The following CCDC60 variants were observed in gnomAD, a reference collection of about 807,000 sequenced individuals.
CCDC60 encodes coiled-coil domain containing 60, also known as coiled-coil domain-containing protein 60.
A neutral mutation model predicts 63.5 loss-of-function variants in CCDC60; 54 were observed. The observed-to-expected ratio is 0.85, with a 90% confidence interval of 0.68 to 1.07. The LOEUF is 1.07. Among genes scored for constraint, CCDC60 ranks in the 50% least tolerant of loss-of-function variants. CCDC60 has a pLI of 0.00. For synonymous variants in CCDC60, 206 were observed against 238.8 expected, an observed-to-expected ratio of 0.86 and a Z score of 1.27; for missense variants, 651 against 684.3, an observed-to-expected ratio of 0.95 and a Z score of 0.54.
rs1566072792 is a variant in CCDC60, at chr12:119,540,919, C to T, written c.*204C>T. 2 of 508,618 alleles carry T rather than the reference C, an allele frequency of 3.9e-6. No homozygotes were observed. The highest frequency in any genetic ancestry group is 3.3e-5 in the East Asian group (1 of 29,956). The allele number at this position is 508,618 out of a possible 1,614,324, so 31.5% of individuals were successfully genotyped here. A position where few individuals can be genotyped will look rare whatever the true frequency, so the allele number is the denominator to read the frequency against. On this transcript the variant is annotated 3_prime_UTR_variant, in exon 14 of 14. Coordinates refer to ENST00000327554, the MANE Select transcript of CCDC60 (RefSeq NM_178499.5). ...CGGTGGCCCTCCCCTCAATTCCACACCCCAGACCCAACCTACCAGTCTCTG... is the reference window on the plus strand; with the variant it reads ...CGGTGGCCCTCCCCTCAATTCCACATCCCAGACCCAACCTACCAGTCTCTG...
At chr12:119,426,351 A>T (rs1593069837) in intron 1 of CCDC60, among the ~76,000 whole-genome samples, 1 of 83,438 alleles carries the variant, frequency 1.2e-5, no homozygotes, top group African/African-American at 4.9e-5. Context: ...ATTTTTATTT[A>T]TTTTTGTTTT....
chr12:119,335,127 G>C lies in CCDC60; in HGVS notation c.-50G>C, dbSNP rs1330472543. The C allele has an allele frequency of 6.7e-7, 1 of 1,497,502 alleles. No homozygotes were observed. 92.8% of individuals were successfully genotyped at this position (1,497,502 alleles called of 1,614,324 possible). Reference sequence around the variant, plus strand: ...GTAACTACTGAAGTAGAAGATTCTGGAAAAATCCTTGTCTTGGGGGCACAG... The same window carrying C: ...GTAACTACTGAAGTAGAAGATTCTGCAAAAATCCTTGTCTTGGGGGCACAG... On this transcript the variant is annotated 5_prime_UTR_variant, in exon 1 of 14. Coordinates refer to ENST00000327554, the MANE Select transcript of CCDC60 (RefSeq NM_178499.5).
chr12:119,471,838 C>CTCTTTCTCTATTTCTACCTGTT (rs1339275998), intron 2 of CCDC60, among the ~76,000 whole-genome samples, 156 bp from the exon 3 acceptor site: 1 of 151,518 alleles, frequency 6.6e-6, no homozygotes, highest in Non-Finnish European at 1.5e-5. Context: ...CTCTCTCACT[C>CTCTTTCTCTATTTCTACCTGTT]TCTTTCTCTA....
At chr12:119,413,053 C>T (rs765374158) in intron 1 of CCDC60, among the ~76,000 whole-genome samples, 23 of 152,172 alleles carry the variant, frequency 1.5e-4, no homozygotes, top group Admixed American at 3.3e-4. Flanking sequence ...TCCTGAAGCT[C>T]CTCCAGGACT....
At chr12:119,497,518 C>T (rs955286381) in intron 5 of CCDC60, among the ~76,000 whole-genome samples, 3 of 152,098 alleles carry the variant, frequency 2.0e-5, no homozygotes, top group Admixed American at 6.5e-5. Flanking sequence ...TGCTTGAAGT[C>T]GCAATAGATT....
chr12:119,494,024 TTC>T (rs749118787), intron 5 of CCDC60, among the ~76,000 whole-genome samples: 8 of 152,212 alleles, frequency 5.3e-5, no homozygotes, highest in Non-Finnish European at 1.0e-4. Flanking sequence ...TCCCATCAGT[TTC>T]TGTCATGCTT....
At chr12:119,413,448 G>A (rs1218224515) in intron 1 of CCDC60, among the ~76,000 whole-genome samples, 1 of 152,168 alleles carries the variant, frequency 6.6e-6, no homozygotes, top group Admixed American at 6.5e-5. Flanking sequence ...GCATCGCGGG[G>A]GGAACATTTT....
rs774909045 is a variant in CCDC60, at chr12:119,505,103, C to T, written c.683C>T (p.Thr228Ile). 9 of 1,609,578 alleles carry T rather than the reference C, an allele frequency of 5.6e-6. No homozygotes were observed. The highest frequency in any genetic ancestry group is 3.3e-5 in the Admixed American group (2 of 59,810). The change falls in exon 7 of 14, where the codon ACC becomes ATC. Residue 228 changes from threonine (T) to isoleucine (I), a missense_variant. Thr to Ile is a moderately conservative substitution (Grantham distance 89). Coordinates refer to ENST00000327554, the MANE Select transcript of CCDC60 (RefSeq NM_178499.5). ...TTCAAAATTCCCACAATGCGAGTCA[C>T]CAACCGCAAACCAAGCCGGCGAGGC... ...KKFKIPTMRV[T>I]NRKPSRRGST...
At chr12:119,498,945 G>A (rs1951779183) in intron 5 of CCDC60, among the ~76,000 whole-genome samples, 1 of 152,104 alleles carries the variant, frequency 6.6e-6, no homozygotes, top group African/African-American at 2.4e-5. Context: ...TAACTCATTT[G>A]GCAGCAAAAT....
chr12:119,464,562 C>A (rs1391790272), intron 2 of CCDC60, among the ~76,000 whole-genome samples: 1 of 152,090 alleles, frequency 6.6e-6, no homozygotes, highest in Non-Finnish European at 1.5e-5. Flanking sequence ...AGGGAACCCC[C>A]GAAAAACCTT....
chr12:119,507,523 TATAC>T (rs1484172745), intron 7 of CCDC60, among the ~76,000 whole-genome samples: 1 of 134,430 alleles, frequency 7.4e-6, no homozygotes, highest in African/African-American at 2.9e-5. Flanking sequence ...TATACATATA[TATAC>T]ACATATATAT....
chr12:119,515,850 C>A (rs1322094128), intron 7 of CCDC60, among the ~76,000 whole-genome samples: 2 of 152,282 alleles, frequency 1.3e-5, no homozygotes, highest in East Asian at 3.9e-4. Flanking sequence ...CACATGGAAT[C>A]AAATAAAACA....
In CCDC60 at chr12:119,359,847, G is replaced by T. The variant is rs1395191043; in HGVS notation, c.90+24581G>T. On this transcript the variant is annotated intron_variant, in intron 1 of 13. Coordinates refer to ENST00000327554, the MANE Select transcript of CCDC60 (RefSeq NM_178499.5). The stretch of plus-strand genomic sequence containing the variant: ...ACATGTTTCAGAGAGCACAGGGTTG[G>T]GGGTAAGGTCACAGATCAACAGGAT... 4.6e-5 allele frequency among the ~76,000 whole-genome samples: 7 copies of T among 151,900 alleles called. No individual in the cohort carries two copies. The South Asian group carries it at 1.5e-3, about 32-fold the overall frequency.
At chr12:119,471,424 C>T (rs1053643764) in intron 2 of CCDC60, among the ~76,000 whole-genome samples, 1 of 152,252 alleles carries the variant, frequency 6.6e-6, no homozygotes, top group Non-Finnish European at 1.5e-5. Context: ...AGCCCATCTT[C>T]TGTGCCAAGC....
At chr12:119,377,179 T>G (rs527378924) in intron 1 of CCDC60, among the ~76,000 whole-genome samples, 1 of 138,974 alleles carries the variant, frequency 7.2e-6, no homozygotes, top group Non-Finnish European at 1.5e-5. Flanking sequence ...CGCTTGAGCT[T>G]GGGAGGCGGA....
chr12:119,356,889 T>TA (rs1339610916), intron 1 of CCDC60, among the ~76,000 whole-genome samples: 1 of 152,212 alleles, frequency 6.6e-6, no homozygotes, highest in Non-Finnish European at 1.5e-5. Flanking sequence ...CCAAATGCTT[T>TA]AAAAAACAAT....
At chr12:119,398,081 C>T (rs1292675993) in intron 1 of CCDC60, among the ~76,000 whole-genome samples, 1 of 33,852 alleles carries the variant, frequency 3.0e-5, no homozygotes, top group Non-Finnish European at 5.1e-5. Context: ...AGGAAGGGGC[C>T]GCGGGGGGAG....
At chr12:119,409,238 C>G (rs1041379185) in intron 1 of CCDC60, among the ~76,000 whole-genome samples, 1 of 152,182 alleles carries the variant, frequency 6.6e-6, no homozygotes, top group Non-Finnish European at 1.5e-5. Flanking sequence ...AAAATAAAAA[C>G]ACAGCTCTTG....
intron 1 of CCDC60, among the ~76,000 whole-genome samples, chr12:119,398,383 G>T (rs746374649): frequency 6.6e-6 from 1 of 152,140 alleles, no homozygotes; most frequent in Non-Finnish European, 1.5e-5. Flanking sequence ...TGGCCTGGGA[G>T]CATGGCACGC....
Sources: gnomAD v4.1 joint callset for allele counts (sites outside exome capture counted in the v4.1 genomes callset) on GRCh38, gnomAD v4.1.1 for gene constraint, MANE v1.5 for transcripts, NCBI Gene and HGNC (gene_info 2026-07-23, HGNC 2026-07-21) for gene names.